Variants in ZMAT4 observed in about 807,000 individuals in gnomAD.
ZMAT4 encodes the protein zinc finger matrin-type 4.
Under a neutral mutation model 28.7 loss-of-function variants are expected in ZMAT4, and 17 were observed. The ratio of observed to expected loss-of-function variants is 0.59; its 90% CI spans 0.41 to 0.89. The LOEUF is 0.89. ZMAT4 is among the 40% of genes least tolerant of loss of function. The pLI, the probability that ZMAT4 is intolerant of heterozygous loss-of-function variation, is 0.00. For missense variants in ZMAT4, 240 were observed against 283.8 expected (o/e 0.85, Z 1.11); for synonymous variants, 117 against 109.2 (o/e 1.07, Z -0.44).
chr8:40,726,835 C>A (rs1201287235), intron 3 of ZMAT4, among the ~76,000 whole-genome samples: 2 of 152,176 alleles, frequency 1.3e-5, no homozygotes. Flanking sequence ...CACAGAAGAA[C>A]TTTGCCAACT....
chr8:40,802,402 T>C (rs1283217077), intron 2 of ZMAT4, among the ~76,000 whole-genome samples: 1 of 152,144 alleles, frequency 6.6e-6, no homozygotes, highest in Non-Finnish European at 1.5e-5. Flanking sequence ...GGCTAGTATA[T>C]AAAAGTCTAT....
chr8:40,647,136 G>T (rs976214348), intron 5 of ZMAT4, among the ~76,000 whole-genome samples: 2 of 152,202 alleles, frequency 1.3e-5, no homozygotes, highest in Admixed American at 6.5e-5. Flanking sequence ...CAGAAGACGG[G>T]TGATTTCTGC....
At chr8:40,892,397 G>A (rs999659457) in intron 1 of ZMAT4, among the ~76,000 whole-genome samples, 5 of 152,164 alleles carry the variant, frequency 3.3e-5, no homozygotes, top group Admixed American at 3.3e-4. Context: ...CCAGGGATGG[G>A]TCAGCAGCCC....
At chr8:40,682,500 A>G (rs1280595292) in intron 4 of ZMAT4, among the ~76,000 whole-genome samples, 1 of 152,214 alleles carries the variant, frequency 6.6e-6, no homozygotes, top group Non-Finnish European at 1.5e-5. Context: ...GTCTTCTCAC[A>G]TGATATGTCT....
chr8:40,715,718 C>T (rs1256277096), intron 3 of ZMAT4, among the ~76,000 whole-genome samples: 5 of 152,126 alleles, frequency 3.3e-5, no homozygotes, highest in African/African-American at 1.2e-4. Flanking sequence ...TGGAAGGAAG[C>T]CCAGACATGC....
chr8:40,574,594 A>G (rs943969549), intron 6 of ZMAT4, among the ~76,000 whole-genome samples: 1 of 151,884 alleles, frequency 6.6e-6, no homozygotes, highest in African/African-American at 2.4e-5. Context: ...CTAAAATTTG[A>G]TTGGAGTGTC....
Position 40,530,954 on chromosome 8 carries a change from A to G in ZMAT4, c.*1269T>C, listed in dbSNP as rs1354927686. 1 of 152,152 alleles carries G rather than the reference A, an allele frequency of 6.6e-6. No homozygotes were observed. Among genetic ancestry groups the G allele is most frequent in the Non-Finnish European group, 1.5e-5 (1 of 67,888 alleles). The allele number at this position is 152,152 out of a possible 1,614,324, so 9.4% of individuals were successfully genotyped here. On this transcript the variant is annotated 3_prime_UTR_variant, in exon 7 of 7. Coordinates refer to ENST00000297737, the MANE Select transcript of ZMAT4 (RefSeq NM_024645.3). ...TTGCTCACTGAGTTGTTGCCACCTC[A>G]GCTCTTGGTGGAAAACAGTGGGTGT...
At chr8:40,792,827 T>C (rs1814419933) in intron 2 of ZMAT4, among the ~76,000 whole-genome samples, 1 of 150,570 alleles carries the variant, frequency 6.6e-6, no homozygotes, top group Non-Finnish European at 1.5e-5. Context: ...TAAATGCATA[T>C]TACTAAGTAC....
intron 3 of ZMAT4, among the ~76,000 whole-genome samples, chr8:40,739,806 C>A (rs1242787253): frequency 2.0e-5 from 3 of 152,106 alleles, no homozygotes; most frequent in East Asian, 3.9e-4. Flanking sequence ...TGCCTCCCAC[C>A]CGCCGACAGG....
chr8:40,882,713 C>A (rs1217485325), intron 1 of ZMAT4, among the ~76,000 whole-genome samples: 1 of 152,184 alleles, frequency 6.6e-6, no homozygotes, highest in African/African-American at 2.4e-5. Context: ...CATCTAATCC[C>A]CCCCCATGAG....
At chr8:40,624,154 A>G (rs1806292820) in intron 5 of ZMAT4, among the ~76,000 whole-genome samples, 1 of 152,202 alleles carries the variant, frequency 6.6e-6, no homozygotes, top group African/African-American at 2.4e-5. Flanking sequence ...TGCTAATGCA[A>G]CTATATTTGG....
At position 40,837,976 on chromosome 8, in the gene ZMAT4, A is replaced by G. The variant is rs115572159; in HGVS notation, c.-4-12296T>C. 9.2e-3 allele frequency among the ~76,000 whole-genome samples: 1,399 copies of G among 152,294 alleles called. 24 individuals are homozygous for G. Among genetic ancestry groups the G allele is most frequent in the African/African-American group, 0.032 (1,335 of 41,566 alleles). Reference sequence around the variant, plus strand: ...GGTGCCTTGCAGAATCTGCTTTGCCATCTTGTGAGGGGCAAACGGAGCAGA... The same window carrying G: ...GGTGCCTTGCAGAATCTGCTTTGCCGTCTTGTGAGGGGCAAACGGAGCAGA... On this transcript the variant is annotated intron_variant, in intron 1 of 6. Coordinates refer to ENST00000297737, the MANE Select transcript of ZMAT4 (RefSeq NM_024645.3).
At chr8:40,719,535 G>T (rs1368924364) in intron 3 of ZMAT4, among the ~76,000 whole-genome samples, 11 of 152,100 alleles carry the variant, frequency 7.2e-5, no homozygotes, top group African/African-American at 2.4e-4. Context: ...TGACTGACAG[G>T]CAGCGAGTTC....
At chr8:40,633,778 A>G (rs1806685816) in intron 5 of ZMAT4, among the ~76,000 whole-genome samples, 1 of 152,246 alleles carries the variant, frequency 6.6e-6, no homozygotes, top group African/African-American at 2.4e-5. Context: ...ACAGCTCATC[A>G]GGCAAGGATA....
chr8:40,545,763 G>A (rs1180138305), intron 6 of ZMAT4, among the ~76,000 whole-genome samples: 1 of 151,932 alleles, frequency 6.6e-6, no homozygotes, highest in South Asian at 2.1e-4. Flanking sequence ...CCAGAATTGC[G>A]AGAGAATCCA....
At chr8:40,532,554 A>G (rs1233793657) in intron 6 of ZMAT4, among the ~76,000 whole-genome samples, 1 of 152,176 alleles carries the variant, frequency 6.6e-6, no homozygotes, top group Admixed American at 6.5e-5. Flanking sequence ...GGCATGCTGC[A>G]TACACCCATC....
Position 40,531,889 on chromosome 8 carries a change from A to C in ZMAT4, c.*334T>G. ...ATTATGCTCTGAGGAAATCTAGAAT[A>C]AATTGGAAATTTAAATTTTTCCACT... is the stretch of plus-strand genomic sequence containing the variant. On this transcript the variant is annotated 3_prime_UTR_variant, in exon 7 of 7. Transcript: ENST00000297737. 9.5e-6 allele frequency: 2 copies of C among 210,310 alleles called. No homozygotes were observed. The highest frequency in any genetic ancestry group is 1.9e-5 in the Non-Finnish European group (2 of 106,690). The allele number at this position is 210,310 out of a possible 1,614,324, so 13.0% of individuals were successfully genotyped here. A position where few individuals can be genotyped will look rare whatever the true frequency, so the allele number is the denominator to read the frequency against.
chr8:40,832,793 C>G (rs1231899494), intron 1 of ZMAT4, among the ~76,000 whole-genome samples: 3 of 152,176 alleles, frequency 2.0e-5, no homozygotes, highest in African/African-American at 7.2e-5. Flanking sequence ...CTCAAAAAAG[C>G]AATTGAACTT....
At chr8:40,614,258 G>A (rs1306184656) in intron 5 of ZMAT4, among the ~76,000 whole-genome samples, 1 of 152,160 alleles carries the variant, frequency 6.6e-6, no homozygotes, top group African/African-American at 2.4e-5. Context: ...TTCTAAAAAG[G>A]ATTGAATGCA....
Sources: allele counts gnomAD v4.1 joint callset (sites outside exome capture counted in the v4.1 genomes callset), GRCh38; gene constraint gnomAD v4.1.1; transcripts MANE v1.5; gene names NCBI Gene and HGNC (gene_info 2026-07-23, HGNC 2026-07-21).